UVRAG: variants seen among roughly 807,000 people sequenced by gnomAD.
The protein encoded by UVRAG is UV radiation resistance associated.
In UVRAG, 19 loss-of-function variants were observed where a neutral mutation model predicts 78.0. The ratio of observed to expected loss-of-function variants is 0.24; its 90% CI spans 0.17 to 0.36. The LOEUF is 0.36. Among genes scored for constraint, UVRAG ranks in the 10% least tolerant of loss-of-function variants. UVRAG has a pLI of 1.00. For synonymous variants in UVRAG, 323 were observed against 324.6 expected (o/e 1.00, Z 0.05); for missense variants, 740 against 853.8 (o/e 0.87, Z 1.66).
intron 12 of UVRAG, among the ~76,000 whole-genome samples, chr11:76,029,433 A>G (rs997323428): frequency 3.3e-5 from 5 of 152,156 alleles, no homozygotes; most frequent in Admixed American, 2.0e-4. Flanking sequence ...GGCAAAATCA[A>G]TGGAAAACTT....
rs532903069 is a variant in UVRAG at position 75,934,181 on chromosome 11, A to G, written c.593+22142A>G. On this transcript the variant is annotated intron_variant, in intron 6 of 14. Coordinates refer to ENST00000356136, the MANE Select transcript of UVRAG (RefSeq NM_003369.4). ...GCCATTAAAAAAATGAGATCCTGTC[A>G]TCTATAACAACATGGATGGAACTGG... 2.6e-5 allele frequency among the ~76,000 whole-genome samples: 4 copies of G among 152,362 alleles called. No homozygotes were observed. In the East Asian group the frequency reaches 5.8e-4, roughly 22 times the overall value.
At chr11:75,882,725 C>G (rs1946979452) in intron 4 of UVRAG, among the ~76,000 whole-genome samples, 1 of 152,098 alleles carries the variant, frequency 6.6e-6, no homozygotes, top group Non-Finnish European at 1.5e-5. Context: ...TGCTAACCAC[C>G]ATTCTACTCT....
At chr11:75,892,413 G>A in intron 5 of UVRAG, 1 of 984,220 alleles carries the variant, frequency 1.0e-6, no homozygotes, top group Non-Finnish European at 1.2e-6. Flanking sequence ...TCCCTCTAAC[G>A]GGAATAATAG....
chr11:76,029,430 T>G (rs901657028), intron 12 of UVRAG, among the ~76,000 whole-genome samples: 1 of 152,074 alleles, frequency 6.6e-6, no homozygotes, highest in Non-Finnish European at 1.5e-5. Flanking sequence ...CTGGGCAAAA[T>G]CAATGGAAAA....
Position 75,987,985 on chromosome 11 carries a change from G to A in UVRAG, c.826+4472G>A, listed in dbSNP as rs188835703. Among the ~76,000 whole-genome samples the A allele has an allele frequency of 3.9e-4, 60 of 152,206 alleles. No homozygotes were observed. In the East Asian group the frequency reaches 4.3e-3, roughly 11 times the overall value. ...ACTCCTGACCTCAGGTGATCTGCCC[G>A]CCTTGGCCTCCCAAAGTGCTGCGAT... On this transcript the variant is annotated intron_variant, in intron 8 of 14. Coordinates refer to ENST00000356136, the MANE Select transcript of UVRAG (RefSeq NM_003369.4).
intron 1 of UVRAG, among the ~76,000 whole-genome samples, chr11:75,826,401 C>T (rs1176006736): frequency 1.3e-5 from 2 of 152,174 alleles, no homozygotes; most frequent in Non-Finnish European, 2.9e-5. Flanking sequence ...GTGATCCACC[C>T]GCCTCTGCCT....
intron 13 of UVRAG, among the ~76,000 whole-genome samples, chr11:76,112,951 C>G (rs1952105348): frequency 6.6e-6 from 1 of 151,954 alleles, no homozygotes; most frequent in South Asian, 2.1e-4. Context: ...TCGTCTGAAA[C>G]TCCACCCGCC....
chr11:75,866,238 G>A (rs533383313), intron 3 of UVRAG, among the ~76,000 whole-genome samples: 68 of 151,542 alleles, frequency 4.5e-4, no homozygotes, highest in African/African-American at 1.6e-3. Context: ...AAATTACTTC[G>A]AGCTGAGCGT....
At chr11:76,136,717 C>A (rs1488745328) in intron 14 of UVRAG, among the ~76,000 whole-genome samples, 1 of 152,004 alleles carries the variant, frequency 6.6e-6, no homozygotes, top group Non-Finnish European at 1.5e-5. Flanking sequence ...AGGCTGGTCC[C>A]AAACTCCTGG....
Position 75,840,933 on chromosome 11 carries a change from T to C in UVRAG, c.118-10950T>C, listed in dbSNP as rs556538347. 8.5e-5 allele frequency among the ~76,000 whole-genome samples: 13 copies of C among 152,332 alleles called. No individual in the cohort carries two copies. In the East Asian group the frequency reaches 2.5e-3, roughly 29 times the overall value. On this transcript the variant is annotated intron_variant, in intron 1 of 14. Transcript: ENST00000356136. ...CTTTCTGTTTTTTGTTTTTTTGTTT[T>C]TAAACTGACTTGAATTTATCAAGCT...
intron 6 of UVRAG, among the ~76,000 whole-genome samples, chr11:75,939,461 A>T (rs954757142): frequency 6.6e-6 from 1 of 152,178 alleles, no homozygotes; most frequent in Non-Finnish European, 1.5e-5. Context: ...AAATTGGTAG[A>T]ACTGAGTTTT....
At chr11:75,883,161 T>G (rs1262725528) in intron 4 of UVRAG, among the ~76,000 whole-genome samples, 1 of 152,128 alleles carries the variant, frequency 6.6e-6, no homozygotes, top group Admixed American at 6.5e-5. Flanking sequence ...GGATGGTGCT[T>G]CTTAACGTTC....
intron 5 of UVRAG, among the ~76,000 whole-genome samples, chr11:75,891,405 TG>T (rs2134939156): frequency 6.6e-6 from 1 of 152,312 alleles, no homozygotes; most frequent in African/African-American, 2.4e-5. Flanking sequence ...CTCCTGCAAC[TG>T]GTATAACTCA....
intron 6 of UVRAG, among the ~76,000 whole-genome samples, chr11:75,935,896 G>A (rs542238340): frequency 6.6e-6 from 1 of 152,244 alleles, no homozygotes; most frequent in East Asian, 1.9e-4. Context: ...TTCTTCAGCT[G>A]TCTCAGTGTC....
chr11:76,141,036 G>C lies in UVRAG; in HGVS notation c.1723G>C (p.Gly575Arg). The C allele has an allele frequency of 1.2e-6, 2 of 1,614,164 alleles. No homozygotes were observed. Among genetic ancestry groups the C allele is most frequent in the Non-Finnish European group, 1.7e-6 (2 of 1,180,042 alleles). ...GEDLVGSLNG[G>R]HANVHPSQEQ... ...GGATCTAGTTGGCAGCTTAAACGGA[G>C]GCCACGCGAATGTGCACCCTAGCCA... The change falls in exon 15 of 15, where the codon GGC (glycine) becomes CGC (arginine). Residue 575 changes from glycine (G) to arginine (R), a missense_variant. By Grantham distance (125) the Gly-to-Arg change is moderately radical. Transcript: ENST00000356136.
rs571230675 is a variant in UVRAG, at chr11:75,834,541, G to A, written c.118-17342G>A. 2.4e-4 allele frequency among the ~76,000 whole-genome samples: 36 copies of A among 152,284 alleles called. No individual in the cohort carries two copies. The South Asian group carries it at 6.4e-3, about 27-fold the overall frequency. ...TTTAAGACCATGCATGGGGCCGGGC[G>A]CAGTGGCTCACACCTGCAATCCCAG... On this transcript the variant is annotated intron_variant, in intron 1 of 14. Transcript: ENST00000356136.
chr11:76,022,540 T>G (rs1486536589), intron 12 of UVRAG, among the ~76,000 whole-genome samples: 1 of 152,198 alleles, frequency 6.6e-6, no homozygotes, highest in Non-Finnish European at 1.5e-5. Flanking sequence ...TTTTTGCCTC[T>G]TATAACAACT....
chr11:76,141,011 G>A lies in UVRAG; in HGVS notation c.1698G>A (p.Glu566=). The change falls in exon 15 of 15, where the codon GAG becomes GAA. Residue 566 remains glutamate, a synonymous_variant. Transcript: ENST00000356136. ...DFSKENKKKG[E]DLVGSLNGGH... ...CCAAAGAAAACAAGAAAAAAGGAGA[G>A]GATCTAGTTGGCAGCTTAAACGGAG... 6.2e-7 allele frequency: 1 copy of A among 1,614,048 alleles called. No homozygotes were observed. The highest frequency in any genetic ancestry group is 2.2e-5 in the East Asian group (1 of 44,896).
intron 6 of UVRAG, 132 bp downstream of exon 6, chr11:75,912,171 G>A (rs1377351238): frequency 1.7e-5 from 11 of 645,556 alleles, no homozygotes; most frequent in Admixed American, 8.4e-5. Flanking sequence ...TAGTGCAAGC[G>A]TCATAAATTT....
Sources: allele counts gnomAD v4.1 joint callset (sites outside exome capture counted in the v4.1 genomes callset), GRCh38; gene constraint gnomAD v4.1.1; transcripts MANE v1.5; gene names NCBI Gene and HGNC (gene_info 2026-07-23, HGNC 2026-07-21).